Variants in TRIM2 observed in about 807,000 individuals in gnomAD.
TRIM2 encodes the protein tripartite motif containing 2, also known as tripartite motif-containing protein 2.
TRIM2 carries 20 observed loss-of-function variants against 75.2 expected under a neutral mutation model. That is an observed-to-expected ratio of 0.27 (90% CI 0.19 to 0.39). The LOEUF (loss-of-function observed/expected upper bound fraction) is 0.39. TRIM2 is among the 10% of genes least tolerant of loss of function. TRIM2 has a pLI of 1.00. For missense variants in TRIM2, 660 were observed against 990.8 expected, an observed-to-expected ratio of 0.67 and a Z score of 4.48; for synonymous variants, 373 against 388.3, an observed-to-expected ratio of 0.96 and a Z score of 0.46.
Position 153,335,415 on chromosome 4 carries a change from A to C in TRIM2, c.*449A>C. On this transcript the variant is annotated 3_prime_UTR_variant, in exon 12 of 12. Transcript: ENST00000338700. ...GTCACAAGACCCAGGGAATCTTCTA[A>C]CCTCACTTTTACAGTAGGTATTACT... 1.0e-6 allele frequency: 1 copy of C among 985,704 alleles called. No homozygotes were observed. The highest frequency in any genetic ancestry group is 1.2e-6 in the Non-Finnish European group (1 of 830,144). The allele number at this position is 985,704 out of a possible 1,614,324, so 61.1% of individuals were successfully genotyped here.
At chr4:153,310,686 G>A (rs1000448185) in intron 6 of TRIM2, among the ~76,000 whole-genome samples, 4 of 151,954 alleles carry the variant, frequency 2.6e-5, no homozygotes, top group East Asian at 1.9e-4. Flanking sequence ...AAAGAGGACC[G>A]TAAGAATCAG....
intron 1 of TRIM2, among the ~76,000 whole-genome samples, chr4:153,188,300 A>G (rs768033523): frequency 9.9e-5 from 15 of 152,168 alleles, no homozygotes; most frequent in Non-Finnish European, 1.9e-4. Context: ...TCTCTACAAA[A>G]AATACAGAAG....
chr4:153,267,577 G>T (rs1755549847), intron 1 of TRIM2, among the ~76,000 whole-genome samples: 1 of 152,062 alleles, frequency 6.6e-6, no homozygotes. Context: ...TGTGAATCCG[G>T]GAGGCGGAGC....
At chr4:153,256,928 T>TG (rs369783252) in intron 1 of TRIM2, among the ~76,000 whole-genome samples, 49 of 151,866 alleles carry the variant, frequency 3.2e-4, no homozygotes, top group African/African-American at 9.4e-4. Context: ...TTTGTTTGTT[T>TG]TTTGCATTTA....
chr4:153,273,354 C>T (rs1441243790), intron 2 of TRIM2, among the ~76,000 whole-genome samples: 36 of 143,628 alleles, frequency 2.5e-4, no homozygotes, highest in African/African-American at 8.9e-4. Context: ...CGGCTCACTG[C>T]AAGCTCCACC....
chr4:153,260,726 A>ACAC (rs768881075), intron 1 of TRIM2, among the ~76,000 whole-genome samples: 1,389 of 101,582 alleles, frequency 0.014, 13 homozygotes, highest in Middle Eastern at 0.034. Context: ...ACACACACAC[A>ACAC]TCATCATCAT....
rs113480175 is a variant in TRIM2, at chr4:153,169,373, G to A, written c.-49+16103G>A. ...TTAATGTACACATTGAACCTATCCA[G>A]TTTGCTTTATTTAACAGTTCCCTAC... On this transcript the variant is annotated intron_variant, in intron 1 of 11. Coordinates refer to the TRIM2 transcript ENST00000437508. Among the ~76,000 whole-genome samples the A allele has an allele frequency of 8.9e-3, 1,353 of 152,250 alleles. 12 individuals carry two copies. Among genetic ancestry groups the A allele is most frequent in the Middle Eastern group, 0.02 (6 of 294 alleles).
chr4:153,282,546 A>G (rs1459588058), intron 3 of TRIM2, among the ~76,000 whole-genome samples: 1 of 152,242 alleles, frequency 6.6e-6, no homozygotes, highest in African/African-American at 2.4e-5. Flanking sequence ...AAATAAATAC[A>G]TAAATACAAG....
intron 1 of TRIM2, among the ~76,000 whole-genome samples, chr4:153,244,423 C>CTT (rs752840511): frequency 9.9e-6 from 1 of 100,912 alleles, no homozygotes; most frequent in Admixed American, 1.2e-4. Flanking sequence ...TCTTCTTCTT[C>CTT]TTCTTCTTCT....
upstream of TRIM2, among the ~76,000 whole-genome samples, chr4:153,203,935 A>C (rs1337058698): frequency 6.6e-6 from 1 of 151,250 alleles, no homozygotes; most frequent in Non-Finnish European, 1.5e-5. Flanking sequence ...AAGATGTGCC[A>C]ATCAAACAAG....
At chr4:153,268,657 G>A (rs1040885807) in intron 1 of TRIM2, among the ~76,000 whole-genome samples, 15 of 152,186 alleles carry the variant, frequency 9.9e-5, no homozygotes, top group Admixed American at 2.0e-4. Flanking sequence ...CTCAGCCTTG[G>A]TTTATGCCTT....
intron 1 of TRIM2, among the ~76,000 whole-genome samples, chr4:153,207,063 G>T (rs1388844609): frequency 2.6e-5 from 4 of 151,950 alleles, no homozygotes; most frequent in Non-Finnish European, 5.9e-5. Context: ...CCAATTGCAA[G>T]GATTTTAAGA....
At chr4:153,218,747 T>A (rs955924444) in intron 1 of TRIM2, among the ~76,000 whole-genome samples, 1 of 152,224 alleles carries the variant, frequency 6.6e-6, no homozygotes, top group Admixed American at 6.5e-5. Context: ...CTTGTATGTA[T>A]GACTTTCTTC....
chr4:153,211,141 C>T (rs4379048), intron 1 of TRIM2, among the ~76,000 whole-genome samples: 9,434 of 152,216 alleles, frequency 0.062, 964 homozygotes, highest in African/African-American at 0.21. Context: ...GCCATCTGCA[C>T]ACCGACCTGG....
In TRIM2 at chr4:153,315,939, A is replaced by G; in HGVS notation, c.1722A>G (p.Ile574Met). The G allele has an allele frequency of 6.2e-7, 1 of 1,605,838 alleles. No homozygotes were observed. The highest frequency in any genetic ancestry group is 8.5e-7 in the Non-Finnish European group (1 of 1,177,682). The change falls in exon 8 of 12, where the codon ATA becomes ATG. Residue 574 changes from isoleucine (I) to methionine (M), a missense_variant. By Grantham distance (10) the Ile-to-Met change is conservative. Around this residue, in one of 2 missense-constraint regions of TRIM2, gnomAD observed 620 missense variants for 891.0 expected, o/e 0.70. Transcript: ENST00000338700. Reference protein sequence around the residue: ...TGVAVHPSGDIIIADYDNKWV... With the variant: ...TGVAVHPSGDMIIADYDNKWV... ...TGGCTGTACATCCCAGTGGGGACAT[A>G]ATCATTGCCGATTATGATAATAAAT...
intron 1 of TRIM2, among the ~76,000 whole-genome samples, chr4:153,246,862 G>A (rs968956085): frequency 2.6e-5 from 4 of 152,094 alleles, no homozygotes; most frequent in Admixed American, 6.5e-5. Context: ...CTATTCTTCC[G>A]CCCTTGCTCT....
chr4:153,159,480 AT>A (rs1288802515), intron 1 of TRIM2, among the ~76,000 whole-genome samples: 1 of 151,618 alleles, frequency 6.6e-6, no homozygotes, highest in African/African-American at 2.4e-5. Flanking sequence ...TTTTTAAATT[AT>A]TTTTTGAAGA....
intron 1 of TRIM2, among the ~76,000 whole-genome samples, chr4:153,155,826 G>T (rs1190462168): frequency 5.9e-5 from 9 of 152,104 alleles, no homozygotes; most frequent in Admixed American, 5.9e-4. Context: ...AGCTCCCTAG[G>T]CAAAACACTA....
rs943664478 is a variant in TRIM2 at position 153,208,383 on chromosome 4, A to T, written c.30+3823A>T. On this transcript the variant is annotated intron_variant, in intron 1 of 11. Transcript: ENST00000338700. ...AAGAAATTTGTGTAATTTCTTACAC[A>T]AAGAAATTACACAATTTTAGATAAA... 3.3e-5 allele frequency among the ~76,000 whole-genome samples: 5 copies of T among 152,232 alleles called. No individual in the cohort carries two copies. The East Asian group carries it at 9.6e-4, about 29-fold the overall frequency.
Sources: allele counts gnomAD v4.1 joint callset (sites outside exome capture counted in the v4.1 genomes callset), GRCh38; gene constraint gnomAD v4.1.1; regional missense constraint gnomAD v4.1.1; transcripts MANE v1.5; gene names NCBI Gene and HGNC (gene_info 2026-07-23, HGNC 2026-07-21).